TBC1D14: variants seen among roughly 807,000 people sequenced by gnomAD.
The protein encoded by TBC1D14 is TBC1 domain family member 14, also known as TBC1 domain family, member 14.
In TBC1D14, 26 loss-of-function variants were observed where a neutral mutation model predicts 79.0. The ratio of observed to expected loss-of-function variants is 0.33; its 90% CI spans 0.24 to 0.46. The LOEUF is 0.46. TBC1D14 is among the 20% of genes least tolerant of loss of function. TBC1D14 has a pLI of 1.00. For synonymous variants in TBC1D14, 394 were observed against 349.9 expected (o/e 1.13, Z -1.40); for missense variants, 769 against 887.6 (o/e 0.87, Z 1.70).
chr4:7,009,557 C>A (rs544433565), intron 9 of TBC1D14, among the ~76,000 whole-genome samples: 8 of 152,168 alleles, frequency 5.3e-5, no homozygotes, highest in African/African-American at 1.9e-4. Flanking sequence ...GCATACCTGG[C>A]TCTCCTGGTG....
intron 12 of TBC1D14, among the ~76,000 whole-genome samples, chr4:7,016,046 C>T (rs1220906474): frequency 6.6e-6 from 1 of 152,208 alleles, no homozygotes; most frequent in African/African-American, 2.4e-5. Flanking sequence ...ATTCAAGTAT[C>T]ATTTGAAAGG....
chr4:6,961,147 G>A (rs62289165), intron 2 of TBC1D14, among the ~76,000 whole-genome samples: 3,133 of 152,216 alleles, frequency 0.021, 49 homozygotes, highest in Non-Finnish European at 0.034. Flanking sequence ...TTGGAGAAAC[G>A]CCCCAGGGAA....
chr4:6,913,435 G>A (rs1423441078), intron 1 of TBC1D14, among the ~76,000 whole-genome samples: 1 of 152,230 alleles, frequency 6.6e-6, no homozygotes, highest in Non-Finnish European at 1.5e-5. Context: ...GAGAGGAAGG[G>A]GGATAAAGTT....
rs1232353972 is a variant in TBC1D14, at chr4:6,924,218, C to T, written c.722+107C>T. ...TGTTCTCTGTGGTGTTAGGCAGGCA[C>T]TGTCTCACACAGATAATTGGGTCTT... On this transcript the variant is annotated intron_variant, in intron 2 of 13. Transcript: ENST00000409757. 9 of 1,405,730 alleles carry T rather than the reference C, an allele frequency of 6.4e-6. No individual in the cohort carries two copies. The African/African-American group carries it at 1.3e-4, about 20-fold the overall frequency. The allele number at this position is 1,405,730 out of a possible 1,614,324, so 87.1% of individuals were successfully genotyped here.
chr4:6,980,806 A>AC lies in TBC1D14; in HGVS notation c.844-13376dup, dbSNP rs1242590773. 7.7e-5 allele frequency among the ~76,000 whole-genome samples: 11 copies of AC among 142,650 alleles called. No homozygotes were observed. In the Admixed American group the frequency reaches 7.8e-4, roughly 10 times the overall value. The allele number at this position is 142,650 out of a possible 152,430, so 93.6% of individuals were successfully genotyped here. On this transcript the variant is annotated intron_variant, in intron 3 of 13. Coordinates refer to ENST00000409757, the MANE Select transcript of TBC1D14 (RefSeq NM_020773.3). The stretch of plus-strand genomic sequence containing the variant: ...TCTCGGCTCACTGCAACCTCTGCCT[A>AC]CCGGGTGCATGCCATTCTTCTGCCT...
At chr4:6,941,180 CTTTTTT>C (rs35201238) in intron 2 of TBC1D14, among the ~76,000 whole-genome samples, 3 of 87,762 alleles carry the variant, frequency 3.4e-5, no homozygotes, top group African/African-American at 1.6e-4. Context: ...AGGAAAGCAG[CTTTTTT>C]TTTTTTTTTT....
chr4:7,027,262 G>A (rs1215997122), intron 13 of TBC1D14, among the ~76,000 whole-genome samples: 2 of 149,680 alleles, frequency 1.3e-5, no homozygotes, highest in African/African-American at 2.5e-5. Context: ...TCCCACTGGG[G>A]GAGAGTTTTA....
intron 2 of TBC1D14, among the ~76,000 whole-genome samples, chr4:6,956,431 C>T (rs1001754338): frequency 2.1e-4 from 32 of 152,218 alleles, no homozygotes; most frequent in African/African-American, 7.5e-4. Context: ...AAGAACACGG[C>T]GTAGACAGAA....
rs778665587 is a variant in TBC1D14 at position 7,025,067 on chromosome 4, C to T, written c.1821C>T (p.Phe607=). 6.2e-6 allele frequency: 10 copies of T among 1,614,200 alleles called. No homozygotes were observed. In the South Asian group the frequency reaches 1.1e-4, roughly 18 times the overall value. ...LDLACRIWDV[F]CRDGEEFLFR... ...TGGCCTGTCGTATCTGGGACGTGTT[C>T]TGTCGCGATGGGGAAGAGTTCCTGT... The change falls in exon 13 of 14, where the codon TTC becomes TTT. Residue 607 remains phenylalanine, a synonymous_variant. Transcript: ENST00000409757.
At chr4:6,998,447 G>T (rs1201609216) in intron 5 of TBC1D14, among the ~76,000 whole-genome samples, 5 of 152,112 alleles carry the variant, frequency 3.3e-5, no homozygotes, top group Non-Finnish European at 7.4e-5. Flanking sequence ...AGCACAGGAG[G>T]GACTTCCAGA....
At chr4:6,958,276 A>T (rs1460365261) in intron 2 of TBC1D14, among the ~76,000 whole-genome samples, 2 of 142,808 alleles carry the variant, frequency 1.4e-5, no homozygotes, top group African/African-American at 5.1e-5. Context: ...CACCTGCTTC[A>T]TACTGGGGGT....
In TBC1D14 at chr4:7,001,187, C is replaced by T. The variant is rs867309937; in HGVS notation, c.1206C>T (p.Ile402=). The stretch of plus-strand genomic sequence containing the variant: ...TTCGAGATTTATGGTGGCAGGGAAT[C>T]CCTCCAAGTGTGAGAGGCAAAGTCT... ...RKVRDLWWQG[I]PPSVRGKVWS... The change falls in exon 7 of 14, where the codon ATC becomes ATT. Residue 402 remains isoleucine (I), a synonymous_variant. Coordinates refer to ENST00000409757, the MANE Select transcript of TBC1D14 (RefSeq NM_020773.3). The T allele has an allele frequency of 6.8e-6, 11 of 1,614,042 alleles. No individual in the cohort carries two copies. The African/African-American group carries it at 1.1e-4, about 16-fold the overall frequency.
intron 3 of TBC1D14, among the ~76,000 whole-genome samples, chr4:6,978,912 GAAAGCA>G (rs1234085422): frequency 2.6e-5 from 4 of 152,060 alleles, no homozygotes; most frequent in Non-Finnish European, 1.5e-5. Flanking sequence ...AAATATGTTT[GAAAGCA>G]AAAATGATAA....
Position 6,921,556 on chromosome 4 carries a change from C to T in TBC1D14, c.-17-1817C>T, listed in dbSNP as rs184117763. Among the ~76,000 whole-genome samples, 702 of 151,950 alleles carry T rather than the reference C, an allele frequency of 4.6e-3. 7 individuals are homozygous for T. The highest frequency in any genetic ancestry group is 0.015 in the African/African-American group (636 of 41,394). ...TTTTTTATTTTTTGAAATGGAGCCT[C>T]GCCCTGTCGCCCAGGCTGGAGTGCA... is the stretch of plus-strand genomic sequence containing the variant. On this transcript the variant is annotated intron_variant, in intron 1 of 13. Coordinates refer to ENST00000409757, the MANE Select transcript of TBC1D14 (RefSeq NM_020773.3).
At position 7,009,919 on chromosome 4, in the gene TBC1D14, T is replaced by C. The variant is rs753085082; in HGVS notation, c.1489T>C (p.Tyr497His). 2 of 1,614,238 alleles carry C rather than the reference T, an allele frequency of 1.2e-6. No individual in the cohort carries two copies. Among genetic ancestry groups the C allele is most frequent in the East Asian group, 4.5e-5 (2 of 44,896 alleles). Residue 497 changes from tyrosine to histidine, a missense_variant, in exon 10 of 14, where the codon TAT (tyrosine) becomes CAT (histidine). Tyr to His is a moderately conservative substitution (Grantham distance 83). Coordinates refer to ENST00000409757, the MANE Select transcript of TBC1D14 (RefSeq NM_020773.3). ...HDMLHSILGAYTCYRPDVGYV... is the reference protein window; with the variant it reads ...HDMLHSILGAHTCYRPDVGYV... ...CATGTTGCACAGTATTTTGGGCGCT[T>C]ATACTTGTTACCGGCCAGATGTGGG...
chr4:6,968,213 G>A (rs767473092), intron 3 of TBC1D14, among the ~76,000 whole-genome samples: 9 of 152,112 alleles, frequency 5.9e-5, no homozygotes, highest in East Asian at 3.9e-4. Context: ...TCCACTAAGC[G>A]CCAGGCCTCA....
intron 2 of TBC1D14, among the ~76,000 whole-genome samples, chr4:6,932,315 C>T (rs12646620): frequency 0.56 from 84,311 of 150,442 alleles, 23,710 homozygotes; most frequent in East Asian, 0.67. Context: ...GAGGTTGCAG[C>T]GAGCCAAGAT....
At chr4:6,944,047 G>A (rs141675943) in intron 2 of TBC1D14, among the ~76,000 whole-genome samples, 2 of 151,518 alleles carry the variant, frequency 1.3e-5, no homozygotes, top group African/African-American at 4.8e-5. Context: ...GGGTTTTTTT[G>A]TGTGTGTGAT....
At chr4:7,027,950 AC>A (rs1329860060) in intron 13 of TBC1D14, among the ~76,000 whole-genome samples, 13 of 102,924 alleles carry the variant, frequency 1.3e-4, no homozygotes, top group African/African-American at 5.0e-4. Flanking sequence ...CGCACAGATC[AC>A]CCCCCACACA....
Sources: gnomAD v4.1 joint callset for allele counts (sites outside exome capture counted in the v4.1 genomes callset) on GRCh38, gnomAD v4.1.1 for gene constraint, MANE v1.5 for transcripts, NCBI Gene and HGNC (gene_info 2026-07-23, HGNC 2026-07-21) for gene names.